Variants in SLC12A1 observed in about 807,000 individuals in gnomAD.
SLC12A1 encodes the protein Na-K-2Cl cotransporter.
In SLC12A1, 89 loss-of-function variants were observed where a neutral mutation model predicts 130.4. The ratio of observed to expected loss-of-function variants is 0.68; its 90% confidence interval spans 0.58 to 0.81. The LOEUF (loss-of-function observed/expected upper bound fraction) is 0.81, where lower values mean the gene tolerates loss of function less well. SLC12A1 is among the 40% of genes least tolerant of loss of function. SLC12A1 has a pLI of 0.00. For synonymous variants in SLC12A1, 499 were observed against 460.0 expected (o/e 1.08, Z -1.09); for missense variants, 1,310 against 1,336.4 (o/e 0.98, Z 0.31).
At chr15:48,261,783 G>A (rs996993563) in intron 17 of SLC12A1, among the ~76,000 whole-genome samples, 1 of 151,678 alleles carries the variant, frequency 6.6e-6, no homozygotes, top group Non-Finnish European at 1.5e-5. Flanking sequence ...CTAGAAAGAT[G>A]GTGCTCATGG....
At chr15:48,227,043 A>G (rs902467469) in intron 5 of SLC12A1, 2 of 1,426,314 alleles carry the variant, frequency 1.4e-6, no homozygotes, top group Admixed American at 3.9e-5. Context: ...TTCTCTCAGT[A>G]CTGGAACCAA....
intron 16 of SLC12A1, among the ~76,000 whole-genome samples, chr15:48,257,800 C>T (rs953221928): frequency 1.3e-5 from 2 of 152,174 alleles, no homozygotes; most frequent in Non-Finnish European, 2.9e-5. Context: ...TGACATGCCC[C>T]GGAAATATTT....
chr15:48,295,675 T>C (rs1482592608), intron 24 of SLC12A1, among the ~76,000 whole-genome samples: 1 of 152,102 alleles, frequency 6.6e-6, no homozygotes, highest in Non-Finnish European at 1.5e-5. Flanking sequence ...CTCTGTTGTT[T>C]CAAGGTATTA....
intron 2 of SLC12A1, among the ~76,000 whole-genome samples, chr15:48,218,892 T>A (rs1465206883): frequency 1.3e-5 from 2 of 152,162 alleles, no homozygotes; most frequent in Non-Finnish European, 2.9e-5. Flanking sequence ...AACCCATATC[T>A]TAAAGAGAAA....
chr15:48,234,367 T>G (rs1295000167), intron 8 of SLC12A1, among the ~76,000 whole-genome samples: 1 of 152,220 alleles, frequency 6.6e-6, no homozygotes, highest in Non-Finnish European at 1.5e-5. Flanking sequence ...TAAAACCTTA[T>G]GATATATATT....
intron 2 of SLC12A1, among the ~76,000 whole-genome samples, chr15:48,215,799 G>C (rs2041113929): frequency 6.6e-6 from 1 of 152,162 alleles, no homozygotes; most frequent in South Asian, 2.1e-4. Flanking sequence ...TTTTGCCTTA[G>C]AGTAAATTAC....
At chr15:48,281,882 C>T (rs2042011624) in intron 20 of SLC12A1, among the ~76,000 whole-genome samples, 1 of 152,164 alleles carries the variant, frequency 6.6e-6, no homozygotes, top group Non-Finnish European at 1.5e-5. Flanking sequence ...TATGCCTTTG[C>T]AAGTCATCTG....
At chr15:48,233,722 C>T (rs776488530) in intron 8 of SLC12A1, among the ~76,000 whole-genome samples, 2 of 152,124 alleles carry the variant, frequency 1.3e-5, no homozygotes, top group Non-Finnish European at 2.9e-5. Flanking sequence ...ATACCTCTTT[C>T]TTCCTGATTC....
chr15:48,245,042 A>G, intron 11 of SLC12A1, 138 bp downstream of exon 11: 1 of 829,002 alleles, frequency 1.2e-6, no homozygotes, highest in Non-Finnish European at 1.9e-6. Flanking sequence ...TGTGGAAATG[A>G]AAGGAGTCAT....
At chr15:48,286,937 TCCCTCAGCGGTCC>T (rs1249479279) in intron 21 of SLC12A1, among the ~76,000 whole-genome samples, 1 of 152,184 alleles carries the variant, frequency 6.6e-6, no homozygotes, top group Admixed American at 6.5e-5. Context: ...TAAATTTTTC[TCCCTCAGCGGTCC>T]CAGGGATGTA....
In SLC12A1 at chr15:48,255,848, C is replaced by T. The variant is rs376252938; in HGVS notation, c.1980C>T (p.Tyr660=). The change falls in exon 16 of 27, where the codon TAC becomes TAT. Residue 660 remains tyrosine, a synonymous_variant. Transcript: ENST00000380993. ...GCTCCTCCACACAGGCTCTTTCCTA[C>T]GTGAGTGCTTTAGACAATGCTCTGG... The part of the protein sequence containing the change: ...NWGSSTQALS[Y]VSALDNALEL... 5.5e-5 allele frequency: 88 copies of T among 1,608,256 alleles called. No individual in the cohort carries two copies. Among genetic ancestry groups the T allele is most frequent in the East Asian group, 1.6e-4 (7 of 44,814 alleles).
chr15:48,282,906 C>T (rs2042022625), intron 20 of SLC12A1, among the ~76,000 whole-genome samples: 1 of 152,136 alleles, frequency 6.6e-6, no homozygotes, highest in African/African-American at 2.4e-5. Flanking sequence ...GATCTCTTTG[C>T]ATATGAACCC....
intron 2 of SLC12A1, among the ~76,000 whole-genome samples, chr15:48,217,508 C>T (rs1044794384): frequency 6.6e-6 from 1 of 152,116 alleles, no homozygotes; most frequent in East Asian, 1.9e-4. Flanking sequence ...TAACATATTC[C>T]TCAGGTAATT....
intron 20 of SLC12A1, among the ~76,000 whole-genome samples, chr15:48,283,960 A>G (rs1039634938): frequency 6.6e-6 from 1 of 152,228 alleles, no homozygotes; most frequent in African/African-American, 2.4e-5. Flanking sequence ...GGTGAGGTCA[A>G]AGAGAGATCC....
intron 2 of SLC12A1, among the ~76,000 whole-genome samples, chr15:48,208,404 C>T (rs1047408656): frequency 7.9e-5 from 12 of 152,174 alleles, no homozygotes; most frequent in African/African-American, 2.9e-4. Context: ...CTTTGAACTC[C>T]TGGGCTCAAA....
intron 9 of SLC12A1, among the ~76,000 whole-genome samples, chr15:48,240,554 CT>C (rs1366968659): frequency 2.0e-5 from 3 of 152,094 alleles, no homozygotes; most frequent in Non-Finnish European, 4.4e-5. Flanking sequence ...TTTTGATGGA[CT>C]TTTTCAGCAT....
chr15:48,284,371 T>A (rs563597548), intron 20 of SLC12A1, among the ~76,000 whole-genome samples: 35 of 152,364 alleles, frequency 2.3e-4, no homozygotes, highest in African/African-American at 7.9e-4. Context: ...GTGGCTGATA[T>A]ATACTCAGTG....
At chr15:48,274,742 T>C (rs1271369307) in intron 20 of SLC12A1, 89 bp downstream of exon 20, 2 of 786,042 alleles carry the variant, frequency 2.5e-6, no homozygotes, top group Admixed American at 2.2e-5. Flanking sequence ...GGGCACAATA[T>C]AGACAAAACT....
Position 48,242,060 on chromosome 15 carries a change from A to C in SLC12A1, c.1300+461A>C, listed in dbSNP as rs1597420584. On this transcript the variant is annotated intron_variant, in intron 10 of 26. Coordinates refer to ENST00000380993, the MANE Select transcript of SLC12A1 (RefSeq NM_000338.3). Reference sequence around the variant, plus strand: ...GTCTCATCCTTGTACTGCTATCCTTAATATGGAAATGTCACTGTCACCAAT... The same window carrying C: ...GTCTCATCCTTGTACTGCTATCCTTCATATGGAAATGTCACTGTCACCAAT... Among the ~76,000 whole-genome samples, 11 of 152,318 alleles carry C rather than the reference A, an allele frequency of 7.2e-5. 1 individual carries two copies. In the South Asian group the frequency reaches 2.3e-3, roughly 32 times the overall value.
Sources: allele counts gnomAD v4.1 joint callset (sites outside exome capture counted in the v4.1 genomes callset), GRCh38; gene constraint gnomAD v4.1.1; transcripts MANE v1.5; gene names NCBI Gene and HGNC (gene_info 2026-07-23, HGNC 2026-07-21).